PPP1R9A: variants seen among roughly 807,000 people sequenced by gnomAD.
The protein encoded by PPP1R9A is protein phosphatase 1 regulatory subunit 9A.
Under a neutral mutation model 141.9 loss-of-function variants are expected in PPP1R9A, and 59 were observed. The observed-to-expected ratio is 0.42, with a 90% CI of 0.34 to 0.52. The LOEUF is 0.52. PPP1R9A is among the 20% of genes least tolerant of loss of function. The probability of loss-of-function intolerance (pLI) is 0.10; values close to 1 mark genes in which losing one functional copy is unlikely to be tolerated. For missense variants in PPP1R9A, 1,444 were observed against 1,611.9 expected, an observed-to-expected ratio of 0.90 and a Z score of 1.78; for synonymous variants, 500 against 569.7, an observed-to-expected ratio of 0.88 and a Z score of 1.74.
At chr7:95,269,133 T>G in intron 13 of PPP1R9A, 74 bp from the exon 14 acceptor site, 1 of 1,382,344 alleles carries the variant, frequency 7.2e-7, no homozygotes. Flanking sequence ...AAGGTTGGTC[T>G]TATTTCAAAG....
chr7:95,160,148 A>G (rs893335231), intron 4 of PPP1R9A, among the ~76,000 whole-genome samples: 1 of 152,088 alleles, frequency 6.6e-6, no homozygotes, highest in South Asian at 2.1e-4. Context: ...AATACATACA[A>G]TGCTCATAAA....
chr7:95,114,218 G>A (rs1821073008), intron 3 of PPP1R9A, among the ~76,000 whole-genome samples: 1 of 152,166 alleles, frequency 6.6e-6, no homozygotes. Flanking sequence ...GCAGCAGTAT[G>A]TATGATTCTT....
chr7:94,955,379 A>G (rs1796974998), intron 2 of PPP1R9A, among the ~76,000 whole-genome samples: 1 of 152,174 alleles, frequency 6.6e-6, no homozygotes, highest in South Asian at 2.1e-4. Context: ...CCATACTCCT[A>G]TACTGTTCTT....
intron 8 of PPP1R9A, among the ~76,000 whole-genome samples, chr7:95,234,003 G>A (rs1476670004): frequency 6.6e-6 from 1 of 152,144 alleles, no homozygotes; most frequent in Non-Finnish European, 1.5e-5. Context: ...AAAACCATCA[G>A]CAAAATAGGC....
At chr7:95,080,193 T>G (rs1815576494) in intron 2 of PPP1R9A, among the ~76,000 whole-genome samples, 1 of 152,164 alleles carries the variant, frequency 6.6e-6, no homozygotes, top group South Asian at 2.1e-4. Flanking sequence ...AAAACCCCCA[T>G]TGTCTTAGCC....
intron 2 of PPP1R9A, among the ~76,000 whole-genome samples, chr7:95,064,367 A>G (rs996547065): frequency 2.6e-5 from 4 of 152,250 alleles, no homozygotes; most frequent in African/African-American, 7.2e-5. Context: ...TATAAGGTAC[A>G]TCACGAGTAT....
chr7:94,988,742 G>A (rs1027891547), intron 2 of PPP1R9A, among the ~76,000 whole-genome samples: 4 of 152,034 alleles, frequency 2.6e-5, no homozygotes, highest in African/African-American at 9.7e-5. Context: ...AAAGTAGGCA[G>A]AGTTTCAGCT....
At chr7:95,124,118 A>T (rs564100420) in intron 4 of PPP1R9A, among the ~76,000 whole-genome samples, 20 of 152,308 alleles carry the variant, frequency 1.3e-4, no homozygotes, top group African/African-American at 4.6e-4. Context: ...CACTTACAAC[A>T]GATTTATATC....
intron 4 of PPP1R9A, among the ~76,000 whole-genome samples, chr7:95,159,395 C>T (rs1462333121): frequency 2.0e-5 from 3 of 152,084 alleles, no homozygotes; most frequent in Non-Finnish European, 4.4e-5. Context: ...GTAGAAAGGT[C>T]AAACACTTTA....
chr7:95,214,139 A>G (rs1792770455), intron 7 of PPP1R9A: 1 of 152,158 alleles, frequency 6.6e-6, no homozygotes, highest in African/African-American at 2.4e-5. Context: ...ATTACAAACT[A>G]CCACCAAAAC....
intron 5 of PPP1R9A, among the ~76,000 whole-genome samples, chr7:95,168,138 A>C (rs1831553102): frequency 6.6e-6 from 1 of 152,202 alleles, no homozygotes; most frequent in South Asian, 2.1e-4. Context: ...CCTGACTTCA[A>C]AATGTATCAC....
intron 5 of PPP1R9A, among the ~76,000 whole-genome samples, chr7:95,195,825 A>T (rs1312837270): frequency 1.3e-5 from 2 of 152,078 alleles, no homozygotes; most frequent in Non-Finnish European, 2.9e-5. Flanking sequence ...CCAAAGTGAG[A>T]GGATCACTTG....
chr7:95,232,120 G>T (rs531707550), intron 8 of PPP1R9A, among the ~76,000 whole-genome samples: 1 of 151,928 alleles, frequency 6.6e-6, no homozygotes, highest in African/African-American at 2.4e-5. Flanking sequence ...ACCTTTACAC[G>T]CATAAACTAG....
intron 2 of PPP1R9A, among the ~76,000 whole-genome samples, chr7:95,083,730 A>G (rs1816240638): frequency 6.6e-6 from 1 of 152,030 alleles, no homozygotes; most frequent in East Asian, 1.9e-4. Context: ...CACCTCCACA[A>G]TAAAACAGCA....
intron 7 of PPP1R9A, among the ~76,000 whole-genome samples, chr7:95,220,005 C>G (rs1469292214): frequency 6.6e-6 from 1 of 152,094 alleles, no homozygotes; most frequent in Non-Finnish European, 1.5e-5. Context: ...TTAACTCTTT[C>G]ATATCACTAC....
chr7:94,963,467 A>G (rs1175714512), intron 2 of PPP1R9A, among the ~76,000 whole-genome samples: 4 of 152,136 alleles, frequency 2.6e-5, no homozygotes, highest in Non-Finnish European at 5.9e-5. Flanking sequence ...GGCTCACATT[A>G]GCCACAGGCA....
intron 2 of PPP1R9A, among the ~76,000 whole-genome samples, chr7:95,099,338 C>T (rs761204897): frequency 6.6e-6 from 1 of 152,108 alleles, no homozygotes; most frequent in Non-Finnish European, 1.5e-5. Context: ...GAAACTGGAC[C>T]AAGGCCACCA....
chr7:95,020,285 G>A (rs1391588164), intron 2 of PPP1R9A, among the ~76,000 whole-genome samples: 1 of 152,022 alleles, frequency 6.6e-6, no homozygotes, highest in Non-Finnish European at 1.5e-5. Context: ...GGTTTCATGG[G>A]AATATATAGG....
intron 2 of PPP1R9A, among the ~76,000 whole-genome samples, chr7:94,931,140 A>G (rs1449896105): frequency 6.6e-6 from 1 of 152,224 alleles, no homozygotes; most frequent in Non-Finnish European, 1.5e-5. Context: ...AGAAATATAC[A>G]TGAATATTAT....
Sources: allele counts gnomAD v4.1 joint callset (sites outside exome capture counted in the v4.1 genomes callset), GRCh38; gene constraint gnomAD v4.1.1; transcripts MANE v1.5; gene names NCBI Gene and HGNC (gene_info 2026-07-23, HGNC 2026-07-21).